Variants in ITSN2 observed in about 807,000 individuals in gnomAD.
The protein encoded by ITSN2 is intersectin 2.
ITSN2 carries 156 observed loss-of-function variants against 243.7 expected under a neutral mutation model. The ratio of observed to expected loss-of-function variants is 0.64; its 90% CI spans 0.56 to 0.73. The LOEUF (loss-of-function observed/expected upper bound fraction) is 0.73. Ranked by LOEUF, ITSN2 falls within the 30% of genes least tolerant of loss-of-function variation. The pLI, the probability that ITSN2 is intolerant of heterozygous loss-of-function variation, is 0.00. For missense variants in ITSN2, 1,801 were observed against 1,996.1 expected, an observed-to-expected ratio of 0.90 and a Z score of 1.86; for synonymous variants, 703 against 699.9, an observed-to-expected ratio of 1.00 and a Z score of -0.07.
chr2:24,326,537 A>G (rs1458665620), intron 2 of ITSN2: 1 of 167,218 alleles, frequency 6.0e-6, no homozygotes, highest in Non-Finnish European at 1.5e-5. Context: ...TACTACAATC[A>G]CTGCCCTAAT....
At chr2:24,267,809 G>A (rs1167140845) in intron 20 of ITSN2, among the ~76,000 whole-genome samples, 2 of 152,016 alleles carry the variant, frequency 1.3e-5, no homozygotes, top group African/African-American at 2.4e-5. Context: ...CTCCTGCCTC[G>A]GCCTCTCAAA....
chr2:24,221,530 AT>A (rs1229251572), intron 29 of ITSN2: 2 of 153,846 alleles, frequency 1.3e-5, no homozygotes, highest in Non-Finnish European at 2.9e-5. Flanking sequence ...GCTTTGGTAA[AT>A]ATTGTGAAAT....
chr2:24,345,447 A>C (rs1053549979), intron 1 of ITSN2, among the ~76,000 whole-genome samples: 1 of 152,260 alleles, frequency 6.6e-6, no homozygotes, highest in African/African-American at 2.4e-5. Flanking sequence ...ATAAACGTAT[A>C]TATACCCATA....
intron 27 of ITSN2, among the ~76,000 whole-genome samples, chr2:24,247,992 T>C (rs952950498): frequency 6.6e-6 from 1 of 152,212 alleles, no homozygotes; most frequent in Admixed American, 6.5e-5. Flanking sequence ...TTATCCTCCA[T>C]ACTACAATTA....
chr2:24,283,017 CAAA>C (rs765516566), intron 17 of ITSN2, among the ~76,000 whole-genome samples: 28 of 101,092 alleles, frequency 2.8e-4, no homozygotes, highest in Non-Finnish European at 2.7e-4. Flanking sequence ...TTTCTTAAAC[CAAA>C]AAAAAAAAAA....
intron 29 of ITSN2, among the ~76,000 whole-genome samples, chr2:24,222,746 G>A (rs1670603898): frequency 7.0e-6 from 1 of 142,730 alleles, no homozygotes; most frequent in Non-Finnish European, 1.5e-5. Context: ...GCAAATCTCG[G>A]CTCACTGCAA....
Position 24,246,231 on chromosome 2 carries a change from T to A in ITSN2, c.3475A>T (p.Lys1159Ter). The A allele has an allele frequency of 6.2e-7, 1 of 1,613,344 alleles. No individual in the cohort carries two copies. Among genetic ancestry groups the A allele is most frequent in the East Asian group, 2.2e-5 (1 of 44,874 alleles). Residue 1159 changes from lysine (K) to a stop codon, truncating the protein, a stop_gained, in exon 29 of 40, where the codon AAA becomes TAA. Coordinates refer to ENST00000355123, the MANE Select transcript of ITSN2 (RefSeq NM_006277.3). LOFTEE classifies it high-confidence loss of function. The part of the protein sequence containing the change: ...SKGQLINVMN[K>*]DDPDWWQGEI... ...CCTTGCCACCAATCAGGATCATCTT[T>A]GTTCATAACATTAATGAGTTGTCCC... is the stretch of plus-strand genomic sequence containing the variant.
chr2:24,331,997 A>T (rs577816020), intron 1 of ITSN2, among the ~76,000 whole-genome samples: 34 of 152,322 alleles, frequency 2.2e-4, no homozygotes, highest in South Asian at 8.3e-4. Flanking sequence ...TAATCCCAGC[A>T]CTTTGGGAGG....
At chr2:24,305,732 G>A (rs898053724) in intron 8 of ITSN2, among the ~76,000 whole-genome samples, 2 of 151,982 alleles carry the variant, frequency 1.3e-5, no homozygotes, top group Admixed American at 1.3e-4. Context: ...AGAAAACCTT[G>A]TCTTTACCTA....
At chr2:24,299,778 G>T in intron 12 of ITSN2, 131 bp downstream of exon 12, 1 of 736,522 alleles carries the variant, frequency 1.4e-6, no homozygotes, top group Non-Finnish European at 2.2e-6. Flanking sequence ...GATTTGTATA[G>T]GGTAAGAATG....
In ITSN2 at chr2:24,249,562, T is replaced by C. The variant is rs955845057; in HGVS notation, c.3121-680A>G. On this transcript the variant is annotated intron_variant, in intron 25 of 39. Transcript: ENST00000355123. The surrounding 1 kb of genome is among the most constrained non-coding windows in gnomAD (Gnocchi z 4.4). ...CAGTACAAGTATTAAGCAGAGTGGA[T>C]GGTAGTTAAAAGCTAACATTTTCTG... 3.3e-5 allele frequency among the ~76,000 whole-genome samples: 5 copies of C among 152,232 alleles called. No homozygotes were observed. The highest frequency in any genetic ancestry group is 6.5e-5 in the Admixed American group (1 of 15,276).
chr2:24,307,818 T>C (rs1682749768), intron 8 of ITSN2, among the ~76,000 whole-genome samples: 1 of 152,194 alleles, frequency 6.6e-6, no homozygotes, highest in South Asian at 2.1e-4. Flanking sequence ...AATTTCTCCT[T>C]TGTCACCATC....
intron 20 of ITSN2, among the ~76,000 whole-genome samples, 165 bp downstream of exon 20, chr2:24,270,506 G>C (rs563402975): frequency 2.0e-5 from 3 of 152,292 alleles, no homozygotes; most frequent in African/African-American, 7.2e-5. Flanking sequence ...AATAATAACT[G>C]TCCTATGCAG....
chr2:24,232,749 T>C (rs1209210006), intron 29 of ITSN2, among the ~76,000 whole-genome samples: 1 of 152,174 alleles, frequency 6.6e-6, no homozygotes, highest in Non-Finnish European at 1.5e-5. Context: ...CCAGATAAAT[T>C]AGAGCTACTA....
chr2:24,275,387 A>G (rs1444390598), intron 18 of ITSN2, among the ~76,000 whole-genome samples: 1 of 152,160 alleles, frequency 6.6e-6, no homozygotes, highest in Non-Finnish European at 1.5e-5. Context: ...ACATTTACCT[A>G]TGAGATATGC....
At chr2:24,317,613 T>C in intron 2 of ITSN2, among the ~76,000 whole-genome samples, 1 of 152,188 alleles carries the variant, frequency 6.6e-6, no homozygotes, top group East Asian at 1.9e-4. Context: ...ACCCAGCTGT[T>C]TGGTTTGCCA....
At chr2:24,206,243 C>T (rs1469318760) in intron 37 of ITSN2, 2 of 422,350 alleles carry the variant, frequency 4.7e-6, no homozygotes, top group Admixed American at 3.2e-5. Flanking sequence ...TTTAAACATA[C>T]CTTTTAGGAG....
At chr2:24,339,684 A>T (rs1208109515) in intron 1 of ITSN2, among the ~76,000 whole-genome samples, 2 of 152,038 alleles carry the variant, frequency 1.3e-5, no homozygotes, top group African/African-American at 4.8e-5. Flanking sequence ...ATTTTTTCTT[A>T]AAGATAAATG....
At position 24,342,269 on chromosome 2, in the gene ITSN2, T is replaced by G. The variant is rs146847793; in HGVS notation, c.-33-14154A>C. 7.2e-5 allele frequency among the ~76,000 whole-genome samples: 11 copies of G among 152,052 alleles called. No individual in the cohort carries two copies. In the East Asian group the frequency reaches 2.1e-3, roughly 29 times the overall value. On this transcript the variant is annotated intron_variant, in intron 1 of 39. Coordinates refer to ENST00000355123, the MANE Select transcript of ITSN2 (RefSeq NM_006277.3). ...CTGGAGTGCAGTGGCATAATCACGGTGCACTGCAGCCTCGACCTCCCAGGC... is the reference window on the plus strand; with the variant it reads ...CTGGAGTGCAGTGGCATAATCACGGGGCACTGCAGCCTCGACCTCCCAGGC...
Sources: allele counts gnomAD v4.1 joint callset (sites outside exome capture counted in the v4.1 genomes callset), GRCh38; gene constraint gnomAD v4.1.1; non-coding constraint Gnocchi (gnomAD v3.1); transcripts MANE v1.5; gene names NCBI Gene and HGNC (gene_info 2026-07-23, HGNC 2026-07-21).